Variants in BMPR1B observed in about 807,000 individuals in gnomAD.
BMPR1B encodes the protein bone morphogenetic protein receptor type 1B.
BMPR1B carries 12 observed loss-of-function variants against 59.1 expected under a neutral mutation model. The ratio of observed to expected loss-of-function variants is 0.20; its 90% CI spans 0.13 to 0.33. The LOEUF is 0.33. Among genes scored for constraint, BMPR1B ranks in the 10% least tolerant of loss-of-function variants. The pLI is 1.00. For missense variants in BMPR1B, 550 were observed against 610.9 expected (o/e 0.90, Z 1.05); for synonymous variants, 237 against 207.3 (o/e 1.14, Z -1.23).
At chr4:94,898,381 A>G (rs1578776624) in intron 2 of BMPR1B, among the ~76,000 whole-genome samples, 1 of 152,180 alleles carries the variant, frequency 6.6e-6, no homozygotes, top group East Asian at 1.9e-4. Flanking sequence ...CTTGAATTGT[A>G]GTTCCCATAA....
At chr4:94,918,981 G>A (rs1728588700) in intron 2 of BMPR1B, among the ~76,000 whole-genome samples, 1 of 152,120 alleles carries the variant, frequency 6.6e-6, no homozygotes, top group South Asian at 2.1e-4. Context: ...GCTGAGGAGT[G>A]ATGGGTTCTT....
chr4:94,950,454 GT>G (rs1320150309), intron 2 of BMPR1B, among the ~76,000 whole-genome samples: 11 of 152,204 alleles, frequency 7.2e-5, no homozygotes, highest in Admixed American at 2.0e-4. Context: ...TCCATCTTGA[GT>G]TAATTTTTGT....
chr4:94,888,592 C>G (rs745877057), intron 2 of BMPR1B, among the ~76,000 whole-genome samples: 2 of 151,962 alleles, frequency 1.3e-5, no homozygotes, highest in Non-Finnish European at 2.9e-5. Context: ...TGATATTGAT[C>G]ATTTTACAGA....
intron 2 of BMPR1B, among the ~76,000 whole-genome samples, chr4:94,948,368 C>A (rs1181934430): frequency 6.6e-6 from 1 of 152,040 alleles, no homozygotes; most frequent in South Asian, 2.1e-4. Context: ...CAGAGTAGTA[C>A]CAGAGAGAGC....
intron 2 of BMPR1B, among the ~76,000 whole-genome samples, chr4:94,965,689 G>A (rs72671227): frequency 2.0e-5 from 3 of 152,142 alleles, no homozygotes; most frequent in African/African-American, 7.2e-5. Context: ...TTATCTGGCA[G>A]TACACTGAAG....
chr4:94,896,543 A>T (rs1270803272), intron 2 of BMPR1B, among the ~76,000 whole-genome samples: 1 of 151,006 alleles, frequency 6.6e-6, no homozygotes, highest in East Asian at 1.9e-4. Flanking sequence ...AAAACAGTGT[A>T]AAAAAATAGA....
Position 94,819,795 on chromosome 4 carries a change from C to T in BMPR1B, c.-182-56036C>T, listed in dbSNP as rs113251085. Among the ~76,000 whole-genome samples, 1,086 of 152,288 alleles carry T rather than the reference C, an allele frequency of 7.1e-3. 10 individuals carry two copies. Among genetic ancestry groups the T allele is most frequent in the African/African-American group, 0.025 (1,034 of 41,564 alleles). On this transcript the variant is annotated intron_variant, in intron 1 of 12. Transcript: ENST00000515059. ...AAGAAATGAACCTTTTAACAAGGAG[C>T]TCACCCAGTAGTGTACATTTGAACA...
chr4:95,142,828 T>TG, intron 10 of BMPR1B, among the ~76,000 whole-genome samples: 1 of 151,264 alleles, frequency 6.6e-6, no homozygotes, highest in East Asian at 1.9e-4. Context: ...TTTTTTTTTT[T>TG]AACATAACAC....
At chr4:94,789,919 ACCT>A (rs1278658504) in intron 1 of BMPR1B, among the ~76,000 whole-genome samples, 1 of 151,996 alleles carries the variant, frequency 6.6e-6, no homozygotes, top group African/African-American at 2.4e-5. Flanking sequence ...TTGCTCCTCT[ACCT>A]CCTCCTCCTC....
chr4:95,002,341 A>C (rs999605913), intron 3 of BMPR1B, among the ~76,000 whole-genome samples: 1 of 152,180 alleles, frequency 6.6e-6, no homozygotes, highest in Non-Finnish European at 1.5e-5. Context: ...GTGTAGTACC[A>C]TGGTGCATAT....
At chr4:94,902,300 G>A in intron 2 of BMPR1B, among the ~76,000 whole-genome samples, 2 of 131,694 alleles carry the variant, frequency 1.5e-5, no homozygotes, top group Non-Finnish European at 3.2e-5. Flanking sequence ...AGAGAAGATG[G>A]GGAAAAAAAC....
intron 1 of BMPR1B, among the ~76,000 whole-genome samples, chr4:94,856,909 A>G (rs1357195481): frequency 6.6e-6 from 1 of 152,264 alleles, no homozygotes; most frequent in Non-Finnish European, 1.5e-5. Context: ...AAGATATGAT[A>G]TTTATGAAAC....
intron 3 of BMPR1B, among the ~76,000 whole-genome samples, chr4:95,093,275 AT>A (rs1252990775): frequency 6.6e-6 from 1 of 152,068 alleles, no homozygotes; most frequent in Non-Finnish European, 1.5e-5. Context: ...AAGGTTTTTA[AT>A]TTATATAAAC....
chr4:94,927,731 A>G (rs1311135132), intron 2 of BMPR1B, among the ~76,000 whole-genome samples: 1 of 152,114 alleles, frequency 6.6e-6, no homozygotes, highest in Non-Finnish European at 1.5e-5. Flanking sequence ...GGGGAGAACC[A>G]TTGAAAGCTG....
intron 10 of BMPR1B, among the ~76,000 whole-genome samples, chr4:95,135,810 A>G (rs1160345390): frequency 6.6e-6 from 1 of 152,240 alleles, no homozygotes; most frequent in East Asian, 1.9e-4. Context: ...ATCTGCAAAC[A>G]GGGACAATTT....
chr4:94,905,008 A>G (rs540573930), intron 2 of BMPR1B, among the ~76,000 whole-genome samples: 6 of 152,132 alleles, frequency 3.9e-5, no homozygotes, highest in Admixed American at 3.3e-4. Context: ...AATAATTTCT[A>G]TTTTTGGCAA....
At chr4:94,995,188 C>T (rs970706317) in intron 2 of BMPR1B, among the ~76,000 whole-genome samples, 2 of 152,008 alleles carry the variant, frequency 1.3e-5, no homozygotes, top group African/African-American at 4.8e-5. Context: ...AGTGTCATGG[C>T]TTGGAATCTA....
At chr4:95,084,967 G>A (rs1048151311) in intron 3 of BMPR1B, among the ~76,000 whole-genome samples, 2 of 152,044 alleles carry the variant, frequency 1.3e-5, no homozygotes, top group Non-Finnish European at 2.9e-5. Flanking sequence ...CCTGTTACAC[G>A]TGTGACTTGG....
chr4:94,986,796 C>T (rs1721433406), intron 2 of BMPR1B, among the ~76,000 whole-genome samples: 2 of 151,914 alleles, frequency 1.3e-5, no homozygotes, highest in African/African-American at 4.8e-5. Flanking sequence ...AACCCCGGCA[C>T]TTTGGGAGGC....
Sources: allele counts gnomAD v4.1 joint callset (sites outside exome capture counted in the v4.1 genomes callset), GRCh38; gene constraint gnomAD v4.1.1; transcripts MANE v1.5; gene names NCBI Gene and HGNC (gene_info 2026-07-23, HGNC 2026-07-21).